Variants in SYT11 observed in about 807,000 individuals in gnomAD.
The protein encoded by SYT11 is synaptotagmin 11, also known as synaptotagmin-11.
Under a neutral mutation model 30.4 loss-of-function variants are expected in SYT11, and 12 were observed. The ratio of observed to expected loss-of-function variants is 0.39; its 90% CI spans 0.25 to 0.64. The LOEUF is 0.64. Among genes scored for constraint, SYT11 ranks in the 30% least tolerant of loss-of-function variants. The pLI, the probability that SYT11 is intolerant of heterozygous loss-of-function variation, is 0.45. For missense variants in SYT11, 412 were observed against 552.0 expected, an observed-to-expected ratio of 0.75 and a Z score of 2.54; for synonymous variants, 204 against 216.0, an observed-to-expected ratio of 0.94 and a Z score of 0.49.
chr1:155,871,367 T>C (rs571679711), intron 2 of SYT11, among the ~76,000 whole-genome samples: 1 of 152,308 alleles, frequency 6.6e-6, no homozygotes, highest in South Asian at 2.1e-4. Context: ...CTACCTCTCC[T>C]TGAAGGAGGA....
chr1:155,877,646 C>A (rs911309710), intron 2 of SYT11, among the ~76,000 whole-genome samples: 3 of 151,870 alleles, frequency 2.0e-5, no homozygotes, highest in African/African-American at 7.3e-5. Context: ...CTCCGCCTCC[C>A]GGGTTCACGC....
intron 2 of SYT11, among the ~76,000 whole-genome samples, chr1:155,874,207 G>A (rs575828252): frequency 6.6e-6 from 1 of 152,274 alleles, no homozygotes; most frequent in South Asian, 2.1e-4. Context: ...CCAGGAGGTG[G>A]GGGTTACCGT....
Position 155,859,608 on chromosome 1 carries a change from A to C in SYT11, c.-154A>C. 4.2e-6 allele frequency: 3 copies of C among 722,074 alleles called. No individual in the cohort carries two copies. Among genetic ancestry groups the C allele is most frequent in the Non-Finnish European group, 7.5e-6 (3 of 401,070 alleles). 44.7% of individuals were successfully genotyped at this position (722,074 alleles called of 1,614,324 possible). On this transcript the variant is annotated 5_prime_UTR_variant, in exon 1 of 4. Coordinates refer to ENST00000368324, the MANE Select transcript of SYT11 (RefSeq NM_152280.5). Reference sequence around the variant, plus strand: ...ATCTTAAGAGCTGAGCGCAGCTGACAACTAGGGGCCGGACCGTCGCAGGAG... The same window carrying C: ...ATCTTAAGAGCTGAGCGCAGCTGACCACTAGGGGCCGGACCGTCGCAGGAG...
intron 1 of SYT11, among the ~76,000 whole-genome samples, chr1:155,865,001 G>A (rs745507454): frequency 6.6e-6 from 1 of 151,964 alleles, no homozygotes; most frequent in Non-Finnish European, 1.5e-5. Context: ...ATGAGCCACC[G>A]CACCAGGCCT....
At chr1:155,878,379 T>C (rs1672903688) in intron 2 of SYT11, among the ~76,000 whole-genome samples, 1 of 152,086 alleles carries the variant, frequency 6.6e-6, no homozygotes, top group African/African-American at 2.4e-5. Flanking sequence ...GACCTACCCC[T>C]CCTATCAGCC....
chr1:155,882,221 A>T lies in SYT11; in HGVS notation c.*713A>T, dbSNP rs1027639291. The stretch of plus-strand genomic sequence containing the variant: ...GTTTTGTGCTGAATTGTATTTGCTG[A>T]TTACCTGAAATTGGCTTCTTTTTAT... On this transcript the variant is annotated 3_prime_UTR_variant, in exon 4 of 4. Coordinates refer to ENST00000368324, the MANE Select transcript of SYT11 (RefSeq NM_152280.5). The T allele has an allele frequency of 6.6e-6, 1 of 152,232 alleles. No homozygotes were observed. The highest frequency in any genetic ancestry group is 1.5e-5 in the Non-Finnish European group (1 of 68,018). 9.4% of individuals were successfully genotyped at this position (152,232 alleles called of 1,614,324 possible).
intron 1 of SYT11, among the ~76,000 whole-genome samples, chr1:155,866,182 A>T (rs822524): frequency 0.94 from 139,760 of 149,214 alleles, 66,176 homozygotes; most frequent in East Asian, 1. Context: ...GCACGATCTC[A>T]GCTCACTATA....
chr1:155,877,901 T>G (rs1672894443), intron 2 of SYT11, among the ~76,000 whole-genome samples: 2 of 152,122 alleles, frequency 1.3e-5, no homozygotes, highest in African/African-American at 4.8e-5. Flanking sequence ...CTTCCTCGAC[T>G]TTAGCTCATT....
chr1:155,863,044 T>C (rs1672617329), intron 1 of SYT11, among the ~76,000 whole-genome samples: 2 of 152,230 alleles, frequency 1.3e-5, no homozygotes, highest in Non-Finnish European at 2.9e-5. Flanking sequence ...GTGAAAACTT[T>C]CCCTAAAAGC....
intron 1 of SYT11, 77 bp from the exon 2 acceptor site, chr1:155,867,888 A>C (rs1672705786): frequency 9.3e-7 from 1 of 1,079,242 alleles, no homozygotes; most frequent in Non-Finnish European, 1.3e-6. Flanking sequence ...TGGCTCCAGC[A>C]GTGGCAATGA....
intron 1 of SYT11, among the ~76,000 whole-genome samples, chr1:155,861,830 C>T (rs937345783): frequency 6.6e-6 from 1 of 152,182 alleles, no homozygotes; most frequent in Admixed American, 6.5e-5. Flanking sequence ...GTTGGTCAGG[C>T]TGGTCTTGAA....
intron 2 of SYT11, among the ~76,000 whole-genome samples, chr1:155,876,244 T>C (rs1343922536): frequency 1.4e-5 from 2 of 142,148 alleles, no homozygotes; most frequent in Non-Finnish European, 3.1e-5. Flanking sequence ...CCTTTTTTTT[T>C]TTTTTTTTTT....
At chr1:155,872,848 G>A (rs903908467) in intron 2 of SYT11, among the ~76,000 whole-genome samples, 2 of 152,194 alleles carry the variant, frequency 1.3e-5, no homozygotes, top group East Asian at 1.9e-4. Flanking sequence ...ACAAAGCGGC[G>A]CTGAGTGGGG....
Position 155,860,385 on chromosome 1 carries a change from G to A in SYT11, c.34+590G>A, listed in dbSNP as rs1672539516. On this transcript the variant is annotated intron_variant, in intron 1 of 3. Coordinates refer to ENST00000368324, the MANE Select transcript of SYT11 (RefSeq NM_152280.5). The surrounding 1 kb of genome is among the most constrained non-coding windows in gnomAD (Gnocchi z 4.1). ...GGATGCTGGGGCTAGGAGGAAACGT[G>A]AGCCCTGCAAGCTCCATTCCGCATC... Among the ~76,000 whole-genome samples, 1 of 152,202 alleles carries A rather than the reference G, an allele frequency of 6.6e-6. No individual in the cohort carries two copies. Among genetic ancestry groups the A allele is most frequent in the Non-Finnish European group, 1.5e-5 (1 of 68,034 alleles).
At chr1:155,867,879 G>T in intron 1 of SYT11, 86 bp from the exon 2 acceptor site, 1 of 1,015,368 alleles carries the variant, frequency 9.8e-7, no homozygotes, top group Non-Finnish European at 1.4e-6. Context: ...AGATTAGCTT[G>T]GCTCCAGCAG....
chr1:155,861,342 C>T (rs531634184), intron 1 of SYT11, among the ~76,000 whole-genome samples: 1 of 152,138 alleles, frequency 6.6e-6, no homozygotes, highest in Non-Finnish European at 1.5e-5. Context: ...TCTTCTTATT[C>T]CCTTCCAACA....
chr1:155,877,602 G>T (rs919907315), intron 2 of SYT11, among the ~76,000 whole-genome samples: 1 of 148,128 alleles, frequency 6.8e-6, no homozygotes, highest in South Asian at 2.1e-4. Flanking sequence ...TGCCCAGGCC[G>T]GAGTGCAGTG....
At chr1:155,874,146 C>T (rs988305908) in intron 2 of SYT11, among the ~76,000 whole-genome samples, 2 of 152,056 alleles carry the variant, frequency 1.3e-5, no homozygotes, top group South Asian at 2.1e-4. Context: ...TGGTGATTCA[C>T]GCCGGTAATC....
At chr1:155,859,874 A>G in intron 1 of SYT11, 79 bp downstream of exon 1, 1 of 1,373,766 alleles carries the variant, frequency 7.3e-7, no homozygotes, top group Admixed American at 1.7e-5. Context: ...CAGGGCAGAG[A>G]ATGCAGCCCA....
Sources: gnomAD v4.1 joint callset for allele counts (sites outside exome capture counted in the v4.1 genomes callset) on GRCh38, gnomAD v4.1.1 for gene constraint, Gnocchi (gnomAD v3.1) non-coding constraint, MANE v1.5 for transcripts, NCBI Gene and HGNC (gene_info 2026-07-23, HGNC 2026-07-21) for gene names.